The following SIK3 variants were observed in gnomAD, a reference collection of about 807,000 sequenced individuals.
SIK3 encodes the protein SIK family kinase 3, also known as serine/threonine-protein kinase SIK3.
In SIK3, 28 loss-of-function variants were observed where a neutral mutation model predicts 144.2. That is an observed-to-expected ratio of 0.19 (90% CI 0.14 to 0.27). SIK3 has a LOEUF of 0.27. Ranked by LOEUF, SIK3 falls within the 10% of genes least tolerant of loss-of-function variation. SIK3 has a pLI of 1.00. For missense variants in SIK3, 1,319 were observed against 1,776.0 expected (o/e 0.74, Z 4.62); for synonymous variants, 686 against 676.3 (o/e 1.01, Z -0.22).
chr11:117,029,070 G>A (rs112120205), intron 1 of SIK3, among the ~76,000 whole-genome samples: 13,581 of 152,070 alleles, frequency 0.089, 801 homozygotes, highest in South Asian at 0.16. Flanking sequence ...CACTACGCCC[G>A]GCTAATTTTG....
intron 1 of SIK3, among the ~76,000 whole-genome samples, chr11:117,066,224 A>C (rs1282295495): frequency 1.3e-5 from 2 of 151,654 alleles, no homozygotes; most frequent in African/African-American, 4.8e-5. Flanking sequence ...ACACGCCACC[A>C]TGTCTGGCTA....
At chr11:117,057,923 G>C (rs908601601) in intron 1 of SIK3, among the ~76,000 whole-genome samples, 1 of 152,176 alleles carries the variant, frequency 6.6e-6, no homozygotes. Flanking sequence ...CTCAAAGGTT[G>C]CTGCTATTAT....
At chr11:116,969,684 A>T (rs965230818) in intron 1 of SIK3, among the ~76,000 whole-genome samples, 2 of 152,216 alleles carry the variant, frequency 1.3e-5, no homozygotes, top group African/African-American at 4.8e-5. Context: ...TGTAGGAAGG[A>T]TATAAAAATG....
At chr11:117,041,513 G>A (rs539818106) in intron 1 of SIK3, among the ~76,000 whole-genome samples, 2 of 152,090 alleles carry the variant, frequency 1.3e-5, no homozygotes, top group South Asian at 4.2e-4. Context: ...AAGCAATGAG[G>A]GATACTAGTG....
intron 11 of SIK3, 85 bp downstream of exon 11, chr11:116,875,073 T>C: frequency 9.9e-7 from 1 of 1,015,172 alleles, no homozygotes; most frequent in Non-Finnish European, 1.5e-6. Flanking sequence ...TACAATGTAG[T>C]AGGAAATGTG....
At chr11:116,921,645 G>A (rs576061083) in intron 4 of SIK3, among the ~76,000 whole-genome samples, 9 of 152,066 alleles carry the variant, frequency 5.9e-5, no homozygotes, top group African/African-American at 9.6e-5. Context: ...CTGAGATTAC[G>A]GGCATGAGCC....
chr11:117,023,040 T>C (rs936422407), intron 1 of SIK3, among the ~76,000 whole-genome samples: 8 of 152,164 alleles, frequency 5.3e-5, no homozygotes, highest in African/African-American at 1.2e-4. Flanking sequence ...GGTTTAACCA[T>C]TGGCAGATTG....
At chr11:116,939,899 G>A (rs1241617545) in intron 3 of SIK3, among the ~76,000 whole-genome samples, 2 of 152,186 alleles carry the variant, frequency 1.3e-5, no homozygotes, top group Non-Finnish European at 2.9e-5. Context: ...AAAAAATTTA[G>A]ACATTTTTCA....
At chr11:117,007,035 G>A (rs1361972210) in intron 1 of SIK3, among the ~76,000 whole-genome samples, 4 of 152,146 alleles carry the variant, frequency 2.6e-5, no homozygotes, top group Non-Finnish European at 4.4e-5. Flanking sequence ...CTATCCCATG[G>A]TGTTCCCTTT....
intron 1 of SIK3, among the ~76,000 whole-genome samples, chr11:117,062,850 A>G (rs1591635623): frequency 6.6e-6 from 1 of 152,216 alleles, no homozygotes; most frequent in South Asian, 2.1e-4. Context: ...CCCTCAACCA[A>G]TTTGGAAACT....
intron 1 of SIK3, among the ~76,000 whole-genome samples, chr11:116,988,959 A>C (rs77852530): frequency 0.042 from 6,409 of 151,986 alleles, 181 homozygotes; most frequent in South Asian, 0.12. Flanking sequence ...CAAAACAAAA[A>C]AAAACCCTCA....
At chr11:116,985,900 A>G (rs1319442053) in intron 1 of SIK3, among the ~76,000 whole-genome samples, 2 of 152,188 alleles carry the variant, frequency 1.3e-5, no homozygotes, top group Non-Finnish European at 2.9e-5. Flanking sequence ...ATGAACCTCA[A>G]TCCAGTTATT....
Position 116,870,370 on chromosome 11 carries a change from T to C in SIK3, c.1769A>G (p.Glu590Gly). 6.2e-7 allele frequency: 1 copy of C among 1,612,680 alleles called. No homozygotes were observed. The highest frequency in any genetic ancestry group is 1.3e-5 in the African/African-American group (1 of 75,006). ...CTGGTCTGGCTCCCCGTCTGAGCTC[T>C]CCTCGTCCACAGGGGTAACTGCTGG... ...AVPAVTPVDE[E>G]SSDGEPDQEA... Residue 590 changes from glutamate (E) to glycine (G), a missense_variant, in exon 14 of 25, where the codon GAG becomes GGG. Glu to Gly is a moderately conservative substitution (Grantham distance 98, BLOSUM62 -2). Transcript: ENST00000445177.
At chr11:117,087,632 A>G (rs1021627308) in intron 1 of SIK3, among the ~76,000 whole-genome samples, 1 of 152,140 alleles carries the variant, frequency 6.6e-6, no homozygotes, top group African/African-American at 2.4e-5. Context: ...GGGGAGACAG[A>G]TAAGATAAAG....
At chr11:116,941,464 G>A (rs1425086786) in intron 3 of SIK3, among the ~76,000 whole-genome samples, 1 of 149,646 alleles carries the variant, frequency 6.7e-6, no homozygotes, top group Non-Finnish European at 1.5e-5. Context: ...AAACAAATGT[G>A]TTGTATTCTT....
intron 4 of SIK3, among the ~76,000 whole-genome samples, chr11:116,921,171 C>T (rs1204734723): frequency 6.6e-6 from 1 of 152,170 alleles, no homozygotes; most frequent in Non-Finnish European, 1.5e-5. Flanking sequence ...TGCCTGGGTG[C>T]TCTTTACAAG....
At chr11:116,977,308 T>C (rs1347632247) in intron 1 of SIK3, among the ~76,000 whole-genome samples, 1 of 140,276 alleles carries the variant, frequency 7.1e-6, no homozygotes, top group East Asian at 2.3e-4. Flanking sequence ...TTTGAACTCC[T>C]GGGCTCAAGG....
intron 2 of SIK3, among the ~76,000 whole-genome samples, chr11:116,956,272 T>TTGTAGTTA (rs1218351545): frequency 6.6e-6 from 1 of 152,100 alleles, no homozygotes; most frequent in African/African-American, 2.4e-5. Flanking sequence ...TTTACTGCTT[T>TTGTAGTTA]TGTAGTTATG....
intron 3 of SIK3, among the ~76,000 whole-genome samples, chr11:116,938,601 GA>G (rs1319395930): frequency 3.4e-5 from 2 of 58,982 alleles, no homozygotes; most frequent in Middle Eastern, 6.4e-3. Flanking sequence ...GAGAGGGGAG[GA>G]GAGGAGAGGA....
Sources: allele counts gnomAD v4.1 joint callset (sites outside exome capture counted in the v4.1 genomes callset), GRCh38; gene constraint gnomAD v4.1.1; transcripts MANE v1.5; gene names NCBI Gene and HGNC (gene_info 2026-07-23, HGNC 2026-07-21).